GLRA3: variants seen among roughly 807,000 people sequenced by gnomAD.
The protein encoded by GLRA3 is glycine receptor alpha 3.
In GLRA3, 44 loss-of-function variants were observed where a neutral mutation model predicts 60.4. That is an observed-to-expected ratio of 0.73 (90% confidence interval 0.57 to 0.94). The LOEUF is 0.94. GLRA3 is among the 40% of genes least tolerant of loss of function. GLRA3 has a pLI of 0.00. For synonymous variants in GLRA3, 223 were observed against 192.9 expected (o/e 1.16, Z -1.29); for missense variants, 508 against 564.6 (o/e 0.90, Z 1.02).
chr4:174,812,117 T>C (rs1740299729), intron 1 of GLRA3, among the ~76,000 whole-genome samples: 2 of 152,108 alleles, frequency 1.3e-5, no homozygotes, highest in Admixed American at 6.6e-5. Context: ...TAAGCAATAC[T>C]GACAGAAATT....
At chr4:174,792,695 T>C (rs111282252) in intron 1 of GLRA3, among the ~76,000 whole-genome samples, 7 of 152,310 alleles carry the variant, frequency 4.6e-5, no homozygotes, top group African/African-American at 1.7e-4. Flanking sequence ...GTTAAAAAAA[T>C]GACTCTAAAT....
At position 174,805,862 on chromosome 4, in the gene GLRA3, C is replaced by A. The variant is rs1740029485; in HGVS notation, c.72-16919G>T. ...TAAATGAGGAAATGTTTCAGTGATG[C>A]TATTTGACAAAGGCAGTGATTCTTC... On this transcript the variant is annotated intron_variant, in intron 1 of 9. Coordinates refer to ENST00000274093, the MANE Select transcript of GLRA3 (RefSeq NM_006529.4). Among the ~76,000 whole-genome samples the A allele has an allele frequency of 2.0e-5, 3 of 152,172 alleles. No homozygotes were observed. The South Asian group carries it at 6.2e-4, about 32-fold the overall frequency.
At chr4:174,697,399 G>A (rs777545203) in intron 5 of GLRA3, among the ~76,000 whole-genome samples, 28 of 152,318 alleles carry the variant, frequency 1.8e-4, no homozygotes, top group Admixed American at 3.3e-4. Context: ...CTTGGCACAT[G>A]CTGACTATTG....
At chr4:174,727,817 C>T (rs369218358) in intron 4 of GLRA3, among the ~76,000 whole-genome samples, 2 of 151,858 alleles carry the variant, frequency 1.3e-5, no homozygotes, top group African/African-American at 4.8e-5. Context: ...ATGCTATACA[C>T]TTTTCTGATA....
chr4:174,645,434 A>AG (rs1360004467), intron 9 of GLRA3, among the ~76,000 whole-genome samples: 9 of 151,596 alleles, frequency 5.9e-5, no homozygotes, highest in African/African-American at 2.2e-4. Flanking sequence ...AAAAAAAAAA[A>AG]AAAAGAAAAT....
At position 174,643,829 on chromosome 4, in the gene GLRA3, T is replaced by C. The variant is rs990020566; in HGVS notation, c.1352A>G (p.Tyr451Cys). 6 of 1,613,646 alleles carry C rather than the reference T, an allele frequency of 3.7e-6. No homozygotes were observed. The highest frequency in any genetic ancestry group is 5.1e-6 in the Non-Finnish European group (6 of 1,179,772). ...AATATCCTCATGCCTAAGAATTTTA[T>C]AGATAACCCAGTAGAAAATATTAAA... Reference protein sequence around the residue: ...LIFNIFYWVIYKILRHEDIHQ... With the variant: ...LIFNIFYWVICKILRHEDIHQ... The change falls in exon 10 of 10, where the codon TAT (tyrosine) becomes TGT (cysteine). Residue 451 changes from tyrosine (Y) to cysteine (C), a missense_variant. This residue lies in a region of GLRA3 where 176 missense variants were observed against 197.9 expected (regional missense o/e 0.89). Coordinates refer to ENST00000274093, the MANE Select transcript of GLRA3 (RefSeq NM_006529.4).
intron 3 of GLRA3, among the ~76,000 whole-genome samples, chr4:174,745,684 A>G (rs1193804770): frequency 6.6e-6 from 1 of 152,140 alleles, no homozygotes; most frequent in Non-Finnish European, 1.5e-5. Context: ...TAAACAGTCA[A>G]CAAAATGAGG....
At chr4:174,825,866 GT>G (rs756291125) in intron 1 of GLRA3, among the ~76,000 whole-genome samples, 70 of 152,090 alleles carry the variant, frequency 4.6e-4, no homozygotes, top group Admixed American at 9.8e-4. Flanking sequence ...TCATCTGTAG[GT>G]TTGTAAAAAT....
chr4:174,709,171 A>G (rs1367673990), intron 5 of GLRA3, among the ~76,000 whole-genome samples: 1 of 152,082 alleles, frequency 6.6e-6, no homozygotes, highest in Non-Finnish European at 1.5e-5. Flanking sequence ...GGCATCTGAT[A>G]AGTAATCAGT....
chr4:174,755,928 C>T (rs898638314), intron 3 of GLRA3, among the ~76,000 whole-genome samples: 3 of 151,834 alleles, frequency 2.0e-5, no homozygotes, highest in Middle Eastern at 3.2e-3. Flanking sequence ...CCAAATTACC[C>T]GTAAGAATAA....
chr4:174,779,184 G>A (rs1738757965), intron 2 of GLRA3, among the ~76,000 whole-genome samples: 1 of 152,280 alleles, frequency 6.6e-6, no homozygotes, highest in East Asian at 1.9e-4. Context: ...TAACTGGGAG[G>A]CACCCCCCAG....
At chr4:174,760,604 TCCG>T (rs1737902020) in intron 3 of GLRA3, among the ~76,000 whole-genome samples, 1 of 152,008 alleles carries the variant, frequency 6.6e-6, no homozygotes, top group Non-Finnish European at 1.5e-5. Context: ...GGCTGCAAAC[TCCG>T]CCTCCTGGGT....
intron 3 of GLRA3, among the ~76,000 whole-genome samples, chr4:174,761,928 T>C (rs1179386420): frequency 2.0e-5 from 3 of 152,140 alleles, no homozygotes; most frequent in South Asian, 4.1e-4. Context: ...ATCTTTATAA[T>C]GGAAAAAAGT....
At chr4:174,788,339 C>T (rs981435108) in intron 2 of GLRA3, among the ~76,000 whole-genome samples, 2 of 151,938 alleles carry the variant, frequency 1.3e-5, no homozygotes, top group African/African-American at 4.8e-5. Context: ...ATGTCTTATA[C>T]ATTTCAAAGG....
At chr4:174,692,707 A>G (rs1192256561) in intron 5 of GLRA3, among the ~76,000 whole-genome samples, 1 of 151,578 alleles carries the variant, frequency 6.6e-6, no homozygotes, top group African/African-American at 2.4e-5. Context: ...AGGGCGGTGC[A>G]AGATGTGCTT....
chr4:174,695,501 C>T (rs1735017891), intron 5 of GLRA3, among the ~76,000 whole-genome samples: 1 of 151,992 alleles, frequency 6.6e-6, no homozygotes, highest in African/African-American at 2.4e-5. Flanking sequence ...ATGATTATCT[C>T]AATAGACTCA....
At chr4:174,778,615 G>A (rs1475588071) in intron 2 of GLRA3, among the ~76,000 whole-genome samples, 1 of 151,494 alleles carries the variant, frequency 6.6e-6, no homozygotes, top group South Asian at 2.1e-4. Context: ...GTCAGTGGGT[G>A]CACGCACCGT....
chr4:174,822,305 T>C (rs1341461497), intron 1 of GLRA3, among the ~76,000 whole-genome samples: 6 of 152,120 alleles, frequency 3.9e-5, no homozygotes, highest in African/African-American at 1.2e-4. Flanking sequence ...ATGGAGCACC[T>C]CCATGGACAT....
At chr4:174,738,640 C>T (rs914024633) in intron 3 of GLRA3, among the ~76,000 whole-genome samples, 14 of 152,208 alleles carry the variant, frequency 9.2e-5, no homozygotes, top group African/African-American at 3.1e-4. Flanking sequence ...TTCATTTCCA[C>T]ATTATAGTTT....
Sources: allele counts gnomAD v4.1 joint callset (sites outside exome capture counted in the v4.1 genomes callset), GRCh38; gene constraint gnomAD v4.1.1; regional missense constraint gnomAD v4.1.1; transcripts MANE v1.5; gene names NCBI Gene and HGNC (gene_info 2026-07-23, HGNC 2026-07-21).